The following ALKBH8 variants were observed in gnomAD, a reference collection of about 807,000 sequenced individuals.
ALKBH8 encodes tRNA (carboxymethyluridine(34)-5-O)-methyltransferase ALKBH8.
ALKBH8 carries 36 observed loss-of-function variants against 59.8 expected under a neutral mutation model. That is an observed-to-expected ratio of 0.60 (90% CI 0.46 to 0.79). ALKBH8 has a LOEUF of 0.79. Ranked by LOEUF, ALKBH8 falls within the 30% of genes least tolerant of loss-of-function variation. The probability of loss-of-function intolerance (pLI) is 0.00; values close to 1 mark genes in which losing one functional copy is unlikely to be tolerated. For synonymous variants in ALKBH8, 276 were observed against 273.6 expected (o/e 1.01, Z -0.09); for missense variants, 768 against 801.0 (o/e 0.96, Z 0.50).
chr11:107,539,342 G>A (rs1260760961), intron 7 of ALKBH8, among the ~76,000 whole-genome samples: 1 of 152,214 alleles, frequency 6.6e-6, no homozygotes, highest in Non-Finnish European at 1.5e-5. Flanking sequence ...GCTCACGCCT[G>A]TAATCCCAGC....
intron 1 of ALKBH8, among the ~76,000 whole-genome samples, chr11:107,562,329 A>G (rs902288431): frequency 1.3e-5 from 2 of 152,016 alleles, no homozygotes; most frequent in South Asian, 4.1e-4. Flanking sequence ...AAACTGGAAA[A>G]GTTGGGAAGG....
chr11:107,526,071 T>C (rs1859910252), intron 8 of ALKBH8, among the ~76,000 whole-genome samples: 1 of 152,066 alleles, frequency 6.6e-6, no homozygotes, highest in South Asian at 2.1e-4. Flanking sequence ...AACATTCTTA[T>C]ACACATCATT....
At chr11:107,505,255 G>C in intron 11 of ALKBH8, 40 bp from the exon 12 acceptor site, 2 of 1,441,788 alleles carry the variant, frequency 1.4e-6, no homozygotes, top group Non-Finnish European at 1.8e-6. Flanking sequence ...ACCTGGAAGA[G>C]ACAGGAAATC....
intron 7 of ALKBH8, among the ~76,000 whole-genome samples, chr11:107,544,206 G>C (rs868663573): frequency 1.3e-5 from 2 of 152,216 alleles, no homozygotes; most frequent in Non-Finnish European, 2.9e-5. Context: ...TAACTGAAAA[G>C]ATGGAAGAAT....
In ALKBH8 at chr11:107,547,573, T is replaced by C. The variant is rs180961106; in HGVS notation, c.771+2180A>G. ...CAGGAAAGAAATATTATTAATCTCA[T>C]TTTATAGATGAAATAAAGGCCCAAA... On this transcript the variant is annotated intron_variant, in intron 7 of 11. Coordinates refer to ENST00000428149, the MANE Select transcript of ALKBH8 (RefSeq NM_138775.3). 1.7e-3 allele frequency among the ~76,000 whole-genome samples: 255 copies of C among 152,322 alleles called. 1 individual carries two copies. Among genetic ancestry groups the C allele is most frequent in the African/African-American group, 5.8e-3 (243 of 41,570 alleles).
chr11:107,565,291 C>G lies in ALKBH8; in HGVS notation c.-7+310G>C, dbSNP rs546367570. The G allele has an allele frequency of 1.0e-5, 5 of 489,462 alleles. No individual in the cohort carries two copies. In the East Asian group the frequency reaches 1.9e-4, roughly 18 times the overall value. The allele number at this position is 489,462 out of a possible 1,614,324, so 30.3% of individuals were successfully genotyped here. On this transcript the variant is annotated intron_variant, in intron 1 of 11. Transcript: ENST00000428149. ...CCGATTGTCACCGGTCAGAAAAGCC[C>G]CAGAAGCGCCACACTAACACGCCCC...
chr11:107,504,879 C>T lies in ALKBH8; in HGVS notation c.1774G>A (p.Val592Ile), dbSNP rs763367810. ...CCCTTAAGGTGCCAGGGAACCAGTA[C>T]ATCTTGAGAATAAAAAGAAGTCCTG... ...VNRTSFYSQD[V>I]LVPWHLKGNP... Residue 592 changes from valine to isoleucine, a missense_variant, in exon 12 of 12, where the codon GTA becomes ATA. Physicochemically the swap from Val to Ile is conservative, Grantham distance 29. Coordinates refer to ENST00000428149, the MANE Select transcript of ALKBH8 (RefSeq NM_138775.3). 1.2e-5 allele frequency: 19 copies of T among 1,551,692 alleles called. No homozygotes were observed. Among genetic ancestry groups the T allele is most frequent in the Admixed American group, 3.9e-5 (2 of 50,976 alleles).
Position 107,505,215 on chromosome 11 carries a change from C to T in ALKBH8, c.1438G>A (p.Glu480Lys). The stretch of plus-strand genomic sequence containing the variant: ...TCTTGGAGAGCTGCCACTCTACGCT[C>T]CTAATGAAAAAAAACAAAACACATG... Reference protein sequence around the residue: ...IAVIHHFATAERRVAALQEIV... With the variant: ...IAVIHHFATAKRRVAALQEIV... Residue 480 changes from glutamate (E) to lysine (K), a missense_variant and splice_region_variant, in exon 12 of 12, where the codon GAG becomes AAG. By Grantham distance (56) the Glu-to-Lys change is moderately conservative. Transcript: ENST00000428149. 1 of 1,516,876 alleles carries T rather than the reference C, an allele frequency of 6.6e-7. No homozygotes were observed. Among genetic ancestry groups the T allele is most frequent in the Non-Finnish European group, 8.8e-7 (1 of 1,131,730 alleles). The allele number at this position is 1,516,876 out of a possible 1,614,324, so 94.0% of individuals were successfully genotyped here.
intron 7 of ALKBH8, 99 bp downstream of exon 7, chr11:107,549,654 A>T: frequency 1.1e-6 from 1 of 886,774 alleles, no homozygotes; most frequent in Non-Finnish European, 1.6e-6. Context: ...TTTCATTTTT[A>T]AATCTTAATT....
In ALKBH8 at chr11:107,553,110, C is replaced by T. The variant is rs770292890; in HGVS notation, c.593G>A (p.Gly198Glu). Residue 198 changes from glycine (G) to glutamate (E), a missense_variant and splice_region_variant, in exon 5 of 12, where the codon GGG (glycine) becomes GAG (glutamate). Physicochemically the swap from Gly to Glu is moderately conservative, Grantham distance 98 (BLOSUM62 -2). Coordinates refer to ENST00000428149, the MANE Select transcript of ALKBH8 (RefSeq NM_138775.3). ...ATTATGTATTAGCAATTACTTACCC[C>T]CAGATAATGGCTTATCTTTATCTAC... Reference protein sequence around the residue: ...NNVDKDKPLSGGLPDICESFL... With the variant: ...NNVDKDKPLSEGLPDICESFL... 1.3e-6 allele frequency: 2 copies of T among 1,573,172 alleles called. No homozygotes were observed. Among genetic ancestry groups the T allele is most frequent in the Non-Finnish European group, 8.7e-7 (1 of 1,152,978 alleles).
chr11:107,523,050 CAAAAA>C (rs56663802), intron 9 of ALKBH8, among the ~76,000 whole-genome samples: 2 of 146,614 alleles, frequency 1.4e-5, no homozygotes, highest in African/African-American at 2.5e-5. Context: ...CTGCCTTGCT[CAAAAA>C]AAAAAAAAAA....
chr11:107,522,377 A>C lies in ALKBH8; in HGVS notation c.1209T>G (p.Ala403=), dbSNP rs1272974585. 6.4e-7 allele frequency: 1 copy of C among 1,551,604 alleles called. No homozygotes were observed. The highest frequency in any genetic ancestry group is 1.4e-5 in the African/African-American group (1 of 73,040). Residue 403 remains alanine, a synonymous_variant, in exon 10 of 12, where the codon GCT becomes GCG. Transcript: ENST00000428149. ...CAGCCACTATTGAACCACTTGGCAA[A>C]GCCTTCAAAAACTCCACAATGTGCG... ...PWPHIVEFLK[A]LPSGSIVADI...
At chr11:107,545,525 C>T (rs761196812) in intron 7 of ALKBH8, among the ~76,000 whole-genome samples, 16 of 152,170 alleles carry the variant, frequency 1.1e-4, no homozygotes, top group Non-Finnish European at 1.9e-4. Context: ...TACTGAAAGA[C>T]GTGGCCTTCT....
chr11:107,529,472 A>G (rs890504602), intron 8 of ALKBH8, among the ~76,000 whole-genome samples: 1 of 151,972 alleles, frequency 6.6e-6, no homozygotes, highest in Admixed American at 6.6e-5. Context: ...TTTTCTTGAA[A>G]CATACATTCT....
intron 10 of ALKBH8, among the ~76,000 whole-genome samples, chr11:107,518,835 A>G (rs999770008): frequency 2.0e-5 from 3 of 152,164 alleles, no homozygotes; most frequent in African/African-American, 7.2e-5. Flanking sequence ...TCAGCTCTGA[A>G]GGCTGTGAGA....
At chr11:107,519,518 G>C (rs902270269) in intron 10 of ALKBH8, among the ~76,000 whole-genome samples, 1 of 152,150 alleles carries the variant, frequency 6.6e-6, no homozygotes. Flanking sequence ...AATAAACAGA[G>C]GCAGTAAAGT....
intron 10 of ALKBH8, among the ~76,000 whole-genome samples, chr11:107,511,542 T>A (rs576350565): frequency 6.6e-6 from 1 of 152,238 alleles, no homozygotes; most frequent in East Asian, 1.9e-4. Flanking sequence ...GGATTACTTT[T>A]ACAATCAGAA....
Position 107,504,023 on chromosome 11 carries a change from T to A in ALKBH8, c.*635A>T, listed in dbSNP as rs760214713. 6.5e-6 allele frequency: 1 copy of A among 153,108 alleles called. No individual in the cohort carries two copies. The highest frequency in any genetic ancestry group is 1.5e-5 in the Non-Finnish European group (1 of 68,772). 9.5% of individuals were successfully genotyped at this position (153,108 alleles called of 1,614,324 possible). A position where few individuals can be genotyped will look rare whatever the true frequency, so the allele number is the denominator to read the frequency against. On this transcript the variant is annotated 3_prime_UTR_variant, in exon 12 of 12. Transcript: ENST00000428149. Reference sequence around the variant, plus strand: ...ATGTAAGCACCATAAGGGCAAGAGCTTTGCTCTTTCTTATTCACTGCTTCA... The same window carrying A: ...ATGTAAGCACCATAAGGGCAAGAGCATTGCTCTTTCTTATTCACTGCTTCA...
At chr11:107,528,582 T>C (rs78163712) in intron 8 of ALKBH8, among the ~76,000 whole-genome samples, 1 of 152,292 alleles carries the variant, frequency 6.6e-6, no homozygotes, top group African/African-American at 2.4e-5. Context: ...GCAAGCTAAT[T>C]CCTCTTTTGA....
Sources: gnomAD v4.1 joint callset for allele counts (sites outside exome capture counted in the v4.1 genomes callset) on GRCh38, gnomAD v4.1.1 for gene constraint, MANE v1.5 for transcripts, NCBI Gene and HGNC (gene_info 2026-07-23, HGNC 2026-07-21) for gene names.